Variants in MUC12 observed in about 807,000 individuals in gnomAD.
MUC12 encodes the protein mucin-12.
A neutral mutation model predicts 230.8 loss-of-function variants in MUC12; 172 were observed. The observed-to-expected ratio is 0.75, with a 90% CI of 0.66 to 0.85. MUC12 has a LOEUF of 0.85. Ranked by LOEUF, MUC12 falls within the 40% of genes least tolerant of loss-of-function variation. MUC12 has a pLI of 0.00. For synonymous variants in MUC12, 1,259 were observed against 2,401.9 expected, an observed-to-expected ratio of 0.52 and a Z score of 13.91; for missense variants, 3,506 against 5,920.6, an observed-to-expected ratio of 0.59 and a Z score of 13.38.
Position 100,992,401 on chromosome 7 carries a change from G to C in MUC12, c.1838G>C (p.Arg613Thr), listed in dbSNP as rs1449238376. The change falls in exon 2 of 12, where the codon AGA becomes ACA. Residue 613 changes from arginine to threonine, a missense_variant. Arg to Thr is a moderately conservative substitution (Grantham distance 71). Transcript: ENST00000536621. ...EASMPVHSSTRSPHTTLSPAG... is the reference protein window; with the variant it reads ...EASMPVHSSTTSPHTTLSPAG... ...TCTATGCCCGTCCACAGCAGCACCA[G>C]ATCGCCACACACAACACTGTCCCCT... 2.6e-6 allele frequency: 4 copies of C among 1,537,344 alleles called. No individual in the cohort carries two copies. The African/African-American group carries it at 4.1e-5, about 16-fold the overall frequency.
In MUC12 at chr7:100,990,712, G is replaced by T. The variant is rs1208259717; in HGVS notation, c.149G>T (p.Ser50Ile). The change falls in exon 2 of 12, where the codon AGT (serine) becomes ATT (isoleucine). Residue 50 changes from serine (S) to isoleucine (I), a missense_variant. By Grantham distance (142) the Ser-to-Ile change is moderately radical. Coordinates refer to ENST00000536621, the MANE Select transcript of MUC12 (RefSeq NM_001164462.2). The part of the protein sequence containing the change: ...PSSSDPFTTF[S>I]DYGVSVTFIT... ...TCAAGCGACCCTTTTACCACCTTTA[G>T]TGACTATGGGGTGTCAGTCACATTT... 1.3e-6 allele frequency: 2 copies of T among 1,537,838 alleles called. No homozygotes were observed. Among genetic ancestry groups the T allele is most frequent in the Middle Eastern group, 1.7e-4 (1 of 5,994 alleles).
chr7:100,971,427 G>C (rs559089141), intron 1 of MUC12, among the ~76,000 whole-genome samples: 1 of 151,492 alleles, frequency 6.6e-6, no homozygotes, highest in East Asian at 1.9e-4. Context: ...GGGAGCTGGG[G>C]TGGGGGTCTC....
chr7:100,987,952 C>T (rs6963607), intron 1 of MUC12, among the ~76,000 whole-genome samples: 1,488 of 136,858 alleles, frequency 0.011, 13 homozygotes, highest in Middle Eastern at 0.016. Context: ...GCCTGGGCAA[C>T]AAGAGTGAAA....
In MUC12 at chr7:100,992,484, A is replaced by C; in HGVS notation, c.1921A>C (p.Lys641Gln). The change falls in exon 2 of 12, where the codon AAG becomes CAG. Residue 641 changes from lysine to glutamine, a missense_variant. By Grantham distance (53) the Lys-to-Gln change is moderately conservative. Transcript: ENST00000536621. ...STTFHSWPSS[K>Q]DTRPAPPTTT... is the part of the protein sequence containing the mutation. ...CACATTCCATAGCTGGCCAAGCTCA[A>C]AGGACACTAGGCCTGCACCTCCTAC... The C allele has an allele frequency of 5.2e-6, 8 of 1,537,862 alleles. No homozygotes were observed. The highest frequency in any genetic ancestry group is 7.0e-6 in the Non-Finnish European group (8 of 1,147,020).
Position 100,995,647 on chromosome 7 carries a change from C to G in MUC12, c.5084C>G (p.Ser1695Ter), listed in dbSNP as rs774881285. ...ACCACCTTCCAGAGCTGGCCAAGCTCAAAGGACACTATGCCTGCACCTCCT... is the reference window on the plus strand; with the variant it reads ...ACCACCTTCCAGAGCTGGCCAAGCTGAAAGGACACTATGCCTGCACCTCCT... ...ESTTFQSWPS[S>*]KDTMPAPPTT... The change falls in exon 2 of 12, where the codon TCA becomes TGA. Residue 1695 changes from serine (S) to a stop codon, truncating the protein, a stop_gained. Transcript: ENST00000536621. LOFTEE classifies it high-confidence loss of function. 2.3e-4 allele frequency: 350 copies of G among 1,537,022 alleles called. No homozygotes were observed. The highest frequency in any genetic ancestry group is 2.9e-4 in the Non-Finnish European group (329 of 1,147,076).
chr7:101,004,397 A>T lies in MUC12; in HGVS notation c.13834A>T (p.Thr4612Ser), dbSNP rs758195465. 1 of 1,503,064 alleles carries T rather than the reference A, an allele frequency of 6.7e-7. No individual in the cohort carries two copies. The highest frequency in any genetic ancestry group is 1.2e-5 in the South Asian group (1 of 82,202). The allele number at this position is 1,503,064 out of a possible 1,614,324, so 93.1% of individuals were successfully genotyped here. A position where few individuals can be genotyped will look rare whatever the true frequency, so the allele number is the denominator to read the frequency against. ...STAYHSSPGS[T>S]QTMHFPESST... ...GGCGTACCACAGCAGCCCGGGCTCA[A>T]CTCAAACAATGCACTTCCCTGAAAG... is the stretch of plus-strand genomic sequence containing the variant. The change falls in exon 2 of 12, where the codon ACT (threonine) becomes TCT (serine). Residue 4612 changes from threonine to serine, a missense_variant. Coordinates refer to ENST00000536621, the MANE Select transcript of MUC12 (RefSeq NM_001164462.2).
chr7:100,976,239 C>T (rs180794108), intron 1 of MUC12, among the ~76,000 whole-genome samples: 3 of 152,054 alleles, frequency 2.0e-5, no homozygotes, highest in Admixed American at 2.0e-4. Context: ...GATCACACCA[C>T]TGCAACCCAG....
chr7:100,990,844 C>G lies in MUC12; in HGVS notation c.281C>G (p.Thr94Arg). The change falls in exon 2 of 12, where the codon ACA becomes AGA. Residue 94 changes from threonine (T) to arginine (R), a missense_variant. Physicochemically the swap from Thr to Arg is moderately conservative, Grantham distance 71. Transcript: ENST00000536621. ...SHSGPGATGT[T>R]LFPSHSATSV... ...AGCGGCCCAGGTGCAACTGGAACAA[C>G]ACTCTTCCCTTCCCACTCTGCAACC... 6.5e-7 allele frequency: 1 copy of G among 1,537,790 alleles called. No homozygotes were observed. Among genetic ancestry groups the G allele is most frequent in the South Asian group, 1.2e-5 (1 of 84,056 alleles).
chr7:101,018,228 C>A (rs111219453), intron 11 of MUC12, among the ~76,000 whole-genome samples: 303 of 1,654 alleles, frequency 0.18, 37 homozygotes, highest in East Asian at 0.5. Flanking sequence ...TCCCTTCCCC[C>A]GGGACTCCCT....
chr7:100,970,786 A>G (rs1390053430), intron 1 of MUC12, among the ~76,000 whole-genome samples: 3 of 152,042 alleles, frequency 2.0e-5, no homozygotes, highest in Non-Finnish European at 2.9e-5. Context: ...TCACGAGGTC[A>G]GGAGATCGAG....
intron 8 of MUC12, 23 bp from the exon 9 acceptor site, chr7:101,013,890 C>T (rs993848099): frequency 7.9e-6 from 12 of 1,525,062 alleles, no homozygotes; most frequent in South Asian, 6.1e-5. Flanking sequence ...AGGGGATCAG[C>T]GTGAGCTTGT....
intron 10 of MUC12, among the ~76,000 whole-genome samples, chr7:101,016,556 C>T (rs1004127812): frequency 5.9e-5 from 9 of 152,170 alleles, no homozygotes; most frequent in African/African-American, 2.2e-4. Context: ...CTTAGGTGAT[C>T]CGCCCGCCTT....
At chr7:101,018,505 C>T (rs952462500) in intron 11 of MUC12, 90 bp from the exon 12 acceptor site, 7 of 1,333,550 alleles carry the variant, frequency 5.2e-6, no homozygotes, top group Admixed American at 2.0e-5. Context: ...CTGGGGTTCC[C>T]TCCTCCCCGC....
In MUC12 at chr7:100,995,640, C is replaced by T. The variant is rs1032279275; in HGVS notation, c.5077C>T (p.Pro1693Ser). The change falls in exon 2 of 12, where the codon CCA (proline) becomes TCA (serine). Residue 1693 changes from proline to serine, a missense_variant. Transcript: ENST00000536621. ...QGESTTFQSW[P>S]SSKDTMPAPP... ...AGAATCTACCACCTTCCAGAGCTGG[C>T]CAAGCTCAAAGGACACTATGCCTGC... 62 of 1,536,998 alleles carry T rather than the reference C, an allele frequency of 4.0e-5. No homozygotes were observed. Among genetic ancestry groups the T allele is most frequent in the Middle Eastern group, 1.7e-4 (1 of 6,012 alleles).
In MUC12 at chr7:101,018,647, GCCT is replaced by G; in HGVS notation, c.*14_*16del. ...GCATCCACTGTGTGAGCCAACGGGG[GCCT>G]CCCACCCTCATCTAGCTCTGTTCAG... On this transcript the variant is annotated 3_prime_UTR_variant, in exon 12 of 12. Coordinates refer to ENST00000536621, the MANE Select transcript of MUC12 (RefSeq NM_001164462.2). The G allele has an allele frequency of 1.3e-6, 2 of 1,535,154 alleles. No individual in the cohort carries two copies. Among genetic ancestry groups the G allele is most frequent in the Non-Finnish European group, 1.7e-6 (2 of 1,145,724 alleles).
chr7:100,988,072 G>C (rs1202078692), intron 1 of MUC12, among the ~76,000 whole-genome samples: 1 of 151,878 alleles, frequency 6.6e-6, no homozygotes, highest in Admixed American at 6.6e-5. Context: ...GGCCAAGGCA[G>C]GCAGATCATT....
Position 100,991,846 on chromosome 7 carries a change from C to A in MUC12, c.1283C>A (p.Ser428Tyr), listed in dbSNP as rs199682941. 1,222 of 1,537,546 alleles carry A rather than the reference C, an allele frequency of 7.9e-4. 16 individuals carry two copies. In the South Asian group the frequency reaches 8.2e-3, roughly 10 times the overall value. ...GAAACAACACACTTCCGTGATAGCT[C>A]CACAATCTCAGGCCGTAGTGAGGAA... Reference protein sequence around the residue: ...STETTHFRDSSTISGRSEESK... With the variant: ...STETTHFRDSYTISGRSEESK... The change falls in exon 2 of 12, where the codon TCC becomes TAC. Residue 428 changes from serine (S) to tyrosine (Y), a missense_variant. Transcript: ENST00000536621.
intron 1 of MUC12, among the ~76,000 whole-genome samples, chr7:100,983,268 A>T (rs1793137330): frequency 1.3e-5 from 2 of 151,814 alleles, no homozygotes; most frequent in Non-Finnish European, 2.9e-5. Flanking sequence ...AAAAATACAA[A>T]AAGTAGCCGG....
At chr7:100,969,760 G>T in intron 1 of MUC12, 71 bp downstream of exon 1, 1 of 1,531,174 alleles carries the variant, frequency 6.5e-7, no homozygotes, top group South Asian at 1.2e-5. Context: ...CCTGCCTCAG[G>T]CAGCAGGGCT....
Sources: gnomAD v4.1 joint callset for allele counts (sites outside exome capture counted in the v4.1 genomes callset) on GRCh38, gnomAD v4.1.1 for gene constraint, MANE v1.5 for transcripts, NCBI Gene and HGNC (gene_info 2026-07-23, HGNC 2026-07-21) for gene names.